Variants in AQP9 observed in about 807,000 individuals in gnomAD.
AQP9 encodes the protein aquaporin-9.
A neutral mutation model predicts 23.8 loss-of-function variants in AQP9; 19 were observed. The ratio of observed to expected loss-of-function variants is 0.80; its 90% confidence interval spans 0.56 to 1.17. AQP9 has a LOEUF of 1.17. AQP9 is among the 50% of genes most tolerant of loss of function. The pLI is 0.00. For synonymous variants in AQP9, 153 were observed against 131.5 expected, an observed-to-expected ratio of 1.16 and a Z score of -1.12; for missense variants, 413 against 362.0, an observed-to-expected ratio of 1.14 and a Z score of -1.14.
chr15:58,155,236 T>G (rs1470162746), intron 1 of AQP9: 1 of 152,244 alleles, frequency 6.6e-6, no homozygotes, highest in African/African-American at 2.4e-5. Flanking sequence ...ATTTTTCACC[T>G]GCCTCTTCCT....
chr15:58,153,383 CTA>C (rs1898187468), intron 1 of AQP9: 1 of 152,132 alleles, frequency 6.6e-6, no homozygotes, highest in South Asian at 2.1e-4. Flanking sequence ...TTATCTGCTT[CTA>C]CCCTTTAATA....
At chr15:58,168,075 G>T (rs139326527) in intron 2 of AQP9, among the ~76,000 whole-genome samples, 261 of 152,028 alleles carry the variant, frequency 1.7e-3, no homozygotes, top group African/African-American at 6.0e-3. Flanking sequence ...AGGCTGGAGT[G>T]TCGTGGCAGG....
intron 1 of AQP9, among the ~76,000 whole-genome samples, chr15:58,144,603 C>CT (rs1238899946): frequency 2.0e-5 from 3 of 152,066 alleles, no homozygotes; most frequent in Non-Finnish European, 4.4e-5. Context: ...AAAATTTTCC[C>CT]TTTTTTTCTA....
intron 5 of AQP9, among the ~76,000 whole-genome samples, chr15:58,182,351 C>A (rs536728618): frequency 2.0e-5 from 3 of 152,224 alleles, no homozygotes; most frequent in African/African-American, 7.2e-5. Flanking sequence ...TATTTGTGTG[C>A]ATATAGGACT....
intron 1 of AQP9, 107 bp downstream of exon 1, chr15:58,138,783 T>G (rs1897902572): frequency 2.2e-6 from 2 of 897,170 alleles, no homozygotes; most frequent in Non-Finnish European, 3.5e-6. Context: ...TTAATTGGGA[T>G]CAGATTCATC....
At chr15:58,177,387 A>C (rs1898782771) in intron 4 of AQP9, among the ~76,000 whole-genome samples, 2 of 152,244 alleles carry the variant, frequency 1.3e-5, no homozygotes, top group African/African-American at 4.8e-5. Flanking sequence ...CACTGATACA[A>C]GTAAAGTCAG....
chr15:58,174,978 A>C lies in AQP9; in HGVS notation c.437A>C (p.His146Pro). ...LLIVGENATA[H>P]IFATYPAPYL... The stretch of plus-strand genomic sequence containing the variant: ...ATCGTGGGAGAAAATGCAACAGCAC[A>C]CATTTTTGCAACATACCCAGCTCCG... The change falls in exon 4 of 6, where the codon CAC becomes CCC. Residue 146 changes from histidine to proline, a missense_variant. Transcript: ENST00000219919. 1.9e-6 allele frequency: 3 copies of C among 1,614,218 alleles called. No individual in the cohort carries two copies. The highest frequency in any genetic ancestry group is 2.5e-6 in the Non-Finnish European group (3 of 1,180,010).
intron 3 of AQP9, among the ~76,000 whole-genome samples, chr15:58,174,261 CA>C (rs1266005860): frequency 6.6e-6 from 1 of 150,436 alleles, no homozygotes; most frequent in African/African-American, 2.5e-5. Context: ...CCAGCCTGGG[CA>C]GCAGAGCAAG....
chr15:58,152,098 A>T (rs1358173053), intron 1 of AQP9: 4 of 152,154 alleles, frequency 2.6e-5, no homozygotes, highest in African/African-American at 9.7e-5. Flanking sequence ...CCATGGAGTC[A>T]CTTCATCTTT....
chr15:58,142,715 C>T (rs1257855828), intron 1 of AQP9, among the ~76,000 whole-genome samples: 3 of 152,184 alleles, frequency 2.0e-5, no homozygotes, highest in Non-Finnish European at 4.4e-5. Context: ...CTCAAGAGAC[C>T]CCATAACTTC....
chr15:58,181,442 C>T (rs1380487435), intron 5 of AQP9, among the ~76,000 whole-genome samples: 1 of 152,194 alleles, frequency 6.6e-6, no homozygotes, highest in African/African-American at 2.4e-5. Context: ...TAGAGGTCTA[C>T]AGCTCCAAAT....
intron 5 of AQP9, among the ~76,000 whole-genome samples, chr15:58,183,024 T>C (rs1455799058): frequency 6.6e-6 from 1 of 152,194 alleles, no homozygotes; most frequent in Non-Finnish European, 1.5e-5. Context: ...ATGGAACATA[T>C]GTGTAGTTAT....
rs111394204 is a variant in AQP9 at position 58,170,795 on chromosome 15, G to C, written c.239-2273G>C. 2.0e-5 allele frequency among the ~76,000 whole-genome samples: 3 copies of C among 152,286 alleles called. 1 individual carries two copies. The highest frequency in any genetic ancestry group is 7.2e-5 in the African/African-American group (3 of 41,562). Reference sequence around the variant, plus strand: ...ATAGTTCCAGCCTCAGGATGCTTAGGAGGAGCCAACAAACAGAAACCTACT... The same window carrying C: ...ATAGTTCCAGCCTCAGGATGCTTAGCAGGAGCCAACAAACAGAAACCTACT... On this transcript the variant is annotated intron_variant, in intron 2 of 5. Coordinates refer to ENST00000219919, the MANE Select transcript of AQP9 (RefSeq NM_020980.5).
At position 58,175,003 on chromosome 15, in the gene AQP9, G is replaced by A. The variant is rs371795832; in HGVS notation, c.462G>A (p.Pro154=). The change falls in exon 4 of 6, where the codon CCG becomes CCA. Residue 154 remains proline (P), a synonymous_variant. Transcript: ENST00000219919. ...TAHIFATYPA[P]YLSLANAFAD... ...ACATTTTTGCAACATACCCAGCTCCGTATCTATCTCTGGCGAACGCATTTG... is the reference window on the plus strand; with the variant it reads ...ACATTTTTGCAACATACCCAGCTCCATATCTATCTCTGGCGAACGCATTTG... 2.3e-4 allele frequency: 368 copies of A among 1,614,018 alleles called. No homozygotes were observed. The highest frequency in any genetic ancestry group is 5.5e-4 in the Admixed American group (33 of 60,006).
chr15:58,146,018 T>G (rs2140586727), intron 1 of AQP9, among the ~76,000 whole-genome samples: 1 of 152,368 alleles, frequency 6.6e-6, no homozygotes, highest in East Asian at 1.9e-4. Context: ...CTTAATAATC[T>G]GAATTTATCT....
rs943860559 is a variant in AQP9, at chr15:58,154,322, C to T, written c.112-12351C>T. On this transcript the variant is annotated intron_variant, in intron 1 of 5. Coordinates refer to ENST00000219919, the MANE Select transcript of AQP9 (RefSeq NM_020980.5). ...TAATCAGCCTCCATTACCATACCTG[C>T]CCCAAAAGGCCTAATGAAACTCTAT... 7.9e-5 allele frequency: 12 copies of T among 152,094 alleles called. No individual in the cohort carries two copies. In the South Asian group the frequency reaches 1.9e-3, roughly 24 times the overall value. The allele number at this position is 152,094 out of a possible 1,614,324, so 9.4% of individuals were successfully genotyped here.
chr15:58,142,671 T>C (rs1897971790), intron 1 of AQP9, among the ~76,000 whole-genome samples: 1 of 152,232 alleles, frequency 6.6e-6, no homozygotes, highest in South Asian at 2.1e-4. Context: ...ACCACTCTTT[T>C]GGTTCAGAGC....
chr15:58,145,970 T>C (rs1414260044), intron 1 of AQP9, among the ~76,000 whole-genome samples: 1 of 152,216 alleles, frequency 6.6e-6, no homozygotes, highest in Non-Finnish European at 1.5e-5. Flanking sequence ...AATGCCTCTG[T>C]TATTGCTGTT....
chr15:58,183,957 T>C lies in AQP9; in HGVS notation c.714-4T>C, dbSNP rs771400420. On this transcript the variant is annotated splice_polypyrimidine_tract_variant and splice_region_variant and intron_variant, in intron 5 of 5. Transcript: ENST00000219919. ...TGTATCACTAATTTCTTGTTTGATT[T>C]CAGAGCTGGAAACAACTTCTGGTGG... The C allele has an allele frequency of 1.2e-6, 2 of 1,613,586 alleles. No homozygotes were observed. The highest frequency in any genetic ancestry group is 1.7e-4 in the Middle Eastern group (1 of 6,060).
Sources: gnomAD v4.1 joint callset for allele counts (sites outside exome capture counted in the v4.1 genomes callset) on GRCh38, gnomAD v4.1.1 for gene constraint, MANE v1.5 for transcripts, NCBI Gene and HGNC (gene_info 2026-07-23, HGNC 2026-07-21) for gene names.